Variants in MYO18A observed in about 807,000 individuals in gnomAD.
MYO18A encodes myosin XVIIIA.
A neutral mutation model predicts 235.8 loss-of-function variants in MYO18A; 78 were observed. The ratio of observed to expected loss-of-function variants is 0.33; its 90% CI spans 0.28 to 0.40. The LOEUF is 0.40. Among genes scored for constraint, MYO18A ranks in the 10% least tolerant of loss-of-function variants. MYO18A has a pLI of 1.00. For synonymous variants in MYO18A, 977 were observed against 1,077.8 expected, an observed-to-expected ratio of 0.91 and a Z score of 1.83; for missense variants, 2,215 against 2,699.3, an observed-to-expected ratio of 0.82 and a Z score of 3.98.
chr17:29,083,974 T>C (rs2066186771), intron 40 of MYO18A, among the ~76,000 whole-genome samples: 1 of 152,274 alleles, frequency 6.6e-6, no homozygotes, highest in African/African-American at 2.4e-5. Flanking sequence ...CCGTGCTGTT[T>C]ACTGCTTTCA....
At chr17:29,146,448 C>T (rs1194018709) in intron 2 of MYO18A, among the ~76,000 whole-genome samples, 2 of 152,036 alleles carry the variant, frequency 1.3e-5, no homozygotes, top group African/African-American at 4.8e-5. Context: ...TTTCTGCTGC[C>T]CACCACCCAT....
chr17:29,135,913 A>T (rs1333182681), intron 2 of MYO18A, among the ~76,000 whole-genome samples: 2 of 152,222 alleles, frequency 1.3e-5, no homozygotes, highest in Non-Finnish European at 2.9e-5. Flanking sequence ...TTGTTTCTCA[A>T]TGCATGCCCA....
intron 20 of MYO18A, among the ~76,000 whole-genome samples, chr17:29,105,515 C>T (rs774310479): frequency 1.6e-4 from 24 of 152,052 alleles, no homozygotes; most frequent in Non-Finnish European, 2.2e-4. Flanking sequence ...AAATGGACTC[C>T]AAGGCACAGG....
intron 41 of MYO18A, chr17:29,079,989 C>T (rs1598263602): frequency 2.0e-6 from 2 of 985,950 alleles, no homozygotes; most frequent in East Asian, 2.3e-4. Flanking sequence ...GCCCCTTCTT[C>T]CGCCTCTTGT....
Position 29,118,321 on chromosome 17 carries a change from G to T in MYO18A, c.1893+56C>A, listed in dbSNP as rs1394545831. On this transcript the variant is annotated intron_variant, in intron 9 of 41. Coordinates refer to ENST00000527372, the MANE Select transcript of MYO18A (RefSeq NM_078471.4). This position sits in a 1 kb window ranked among gnomAD's most constrained non-coding sequence, Gnocchi z 4.2. ...CACTATTCCCACAGGACCCATGGAGGCTTCTCCTACCCCCAAGGCCCAGGG... is the reference window on the plus strand; with the variant it reads ...CACTATTCCCACAGGACCCATGGAGTCTTCTCCTACCCCCAAGGCCCAGGG... The T allele has an allele frequency of 1.9e-6, 3 of 1,574,060 alleles. No individual in the cohort carries two copies. The highest frequency in any genetic ancestry group is 2.3e-5 in the South Asian group (2 of 87,574).
intron 2 of MYO18A, among the ~76,000 whole-genome samples, chr17:29,122,906 C>T (rs746799780): frequency 7.9e-5 from 12 of 152,206 alleles, no homozygotes; most frequent in Admixed American, 2.0e-4. Context: ...TTCTCCATGC[C>T]GCCATCAGCA....
In MYO18A at chr17:29,140,364, C is replaced by T. The variant is rs1472266890; in HGVS notation, c.1000-18111G>A. The T allele has an allele frequency of 7.8e-7, 1 of 1,283,910 alleles. No individual in the cohort carries two copies. The allele number at this position is 1,283,910 out of a possible 1,614,324, so 79.5% of individuals were successfully genotyped here. On this transcript the variant is annotated intron_variant, in intron 2 of 41. Coordinates refer to ENST00000527372, the MANE Select transcript of MYO18A (RefSeq NM_078471.4). The surrounding 1 kb of genome is among the most constrained non-coding windows in gnomAD (Gnocchi z 4.2). ...CCCGCATGGCCTGGCCTGGAGCAGC[C>T]CAGAGCAAGGAGACTCCGCTCTGAT...
At position 29,111,825 on chromosome 17, in the gene MYO18A, C is replaced by T. The variant is rs1485524232; in HGVS notation, c.2637G>A (p.Leu879=). 6.2e-7 allele frequency: 1 copy of T among 1,613,836 alleles called. No homozygotes were observed. The highest frequency in any genetic ancestry group is 1.1e-5 in the South Asian group (1 of 91,084). Residue 879 remains leucine (L), a synonymous_variant, in exon 16 of 42, where the codon CTG becomes CTA. Coordinates refer to ENST00000527372, the MANE Select transcript of MYO18A (RefSeq NM_078471.4). The surrounding 1 kb of genome is among the most constrained non-coding windows in gnomAD (Gnocchi z 5.1). ...SLARTDEARG[L]LWLLEEEALV... ...GAGCCTCCTCTTCCAATAGCCAGAG[C>T]AGGCCCCTCGCCTCGTCTGTGCGGG...
intron 7 of MYO18A, among the ~76,000 whole-genome samples, chr17:29,119,812 C>T (rs2067155149): frequency 1.3e-5 from 2 of 152,120 alleles, no homozygotes; most frequent in Non-Finnish European, 2.9e-5. Flanking sequence ...GATCCACCCA[C>T]CTCAGCCTCC....
At chr17:29,103,735 C>T in intron 20 of MYO18A, 71 bp from the exon 21 acceptor site, 1 of 1,482,766 alleles carries the variant, frequency 6.7e-7, no homozygotes, top group Non-Finnish European at 9.4e-7. Context: ...TCTCCAGGCC[C>T]TTGGCCCTTC....
intron 21 of MYO18A, among the ~76,000 whole-genome samples, chr17:29,100,748 T>C (rs2066633909): frequency 6.6e-6 from 1 of 152,200 alleles, no homozygotes; most frequent in African/African-American, 2.4e-5. Flanking sequence ...GTGAACATCA[T>C]GGGAAACACA....
chr17:29,121,219 A>C lies in MYO18A; in HGVS notation c.1372-8T>G. 1 of 1,596,322 alleles carries C rather than the reference A, an allele frequency of 6.3e-7. No individual in the cohort carries two copies. On this transcript the variant is annotated splice_polypyrimidine_tract_variant and splice_region_variant and intron_variant, in intron 5 of 41. Coordinates refer to ENST00000527372, the MANE Select transcript of MYO18A (RefSeq NM_078471.4). This position sits in a 1 kb window ranked among gnomAD's most constrained non-coding sequence, Gnocchi z 4.2. ...CTTGAACATGTGCATCACCTTGGGCAGGAGAGCAAGGGAGAGAAGGGGTTG... is the reference window on the plus strand; with the variant it reads ...CTTGAACATGTGCATCACCTTGGGCCGGAGAGCAAGGGAGAGAAGGGGTTG...
Position 29,157,470 on chromosome 17 carries a change from T to C in MYO18A, c.999+8472A>G, listed in dbSNP as rs1437153926. ...GAGCTAGGCAGTGGATTTATATGGA[T>C]ATCCGGATACTGCCTTGCTCTCCCC... On this transcript the variant is annotated intron_variant, in intron 2 of 41. Coordinates refer to ENST00000527372, the MANE Select transcript of MYO18A (RefSeq NM_078471.4). Among the ~76,000 whole-genome samples, 16 of 152,220 alleles carry C rather than the reference T, an allele frequency of 1.1e-4. 1 individual carries two copies. Among genetic ancestry groups the C allele is most frequent in the Admixed American group, 1.0e-3 (16 of 15,280 alleles).
intron 2 of MYO18A, among the ~76,000 whole-genome samples, chr17:29,150,684 G>A (rs534090886): frequency 6.6e-6 from 1 of 152,242 alleles, no homozygotes; most frequent in Non-Finnish European, 1.5e-5. Flanking sequence ...GAAGCTGGCC[G>A]GGTGTTATGG....
intron 21 of MYO18A, among the ~76,000 whole-genome samples, chr17:29,101,941 C>G (rs934752966): frequency 2.0e-4 from 30 of 152,096 alleles, no homozygotes; most frequent in Admixed American, 3.9e-4. Flanking sequence ...GGCTCTGAGC[C>G]CCCCCAGAGT....
chr17:29,074,607 G>C lies in MYO18A; in HGVS notation c.*163C>G, dbSNP rs1459327689. On this transcript the variant is annotated 3_prime_UTR_variant, in exon 42 of 42. Coordinates refer to ENST00000527372, the MANE Select transcript of MYO18A (RefSeq NM_078471.4). The surrounding 1 kb of genome is among the most constrained non-coding windows in gnomAD (Gnocchi z 4.4). ...CCACCTCTTCCACGTGGAGACATCA[G>C]ACACCCATAGCCTGGAAAGTGCCCC... 1.4e-6 allele frequency: 1 copy of C among 714,714 alleles called. No homozygotes were observed. The highest frequency in any genetic ancestry group is 1.8e-5 in the African/African-American group (1 of 56,310). The allele number at this position is 714,714 out of a possible 1,614,324, so 44.3% of individuals were successfully genotyped here. A position where few individuals can be genotyped will look rare whatever the true frequency, so the allele number is the denominator to read the frequency against.
intron 2 of MYO18A, among the ~76,000 whole-genome samples, chr17:29,151,960 G>A (rs1344853868): frequency 6.6e-6 from 1 of 152,194 alleles, no homozygotes; most frequent in Non-Finnish European, 1.5e-5. Context: ...GGACACGGTG[G>A]AGAATGGACT....
Position 29,092,875 on chromosome 17 carries a change from T to A in MYO18A, c.5053A>T (p.Ile1685Phe). The A allele has an allele frequency of 6.2e-7, 1 of 1,613,884 alleles. No individual in the cohort carries two copies. The highest frequency in any genetic ancestry group is 8.5e-7 in the Non-Finnish European group (1 of 1,179,862). The part of the protein sequence containing the change: ...LKNSAPSKRE[I>F]AQLKNQLEES... Reference sequence around the variant, plus strand: ...GATACCTGGTTCTTGAGCTGGGCAATCTCTCGCTTGCTGGGAGCACTGTTC... The same window carrying A: ...GATACCTGGTTCTTGAGCTGGGCAAACTCTCGCTTGCTGGGAGCACTGTTC... Residue 1685 changes from isoleucine to phenylalanine, a missense_variant, in exon 33 of 42, where the codon ATT becomes TTT. By Grantham distance (21) the Ile-to-Phe change is conservative. Coordinates refer to ENST00000527372, the MANE Select transcript of MYO18A (RefSeq NM_078471.4).
chr17:29,116,725 T>A (rs993556601), intron 10 of MYO18A, among the ~76,000 whole-genome samples: 4 of 3,568 alleles, frequency 1.1e-3, no homozygotes, highest in Admixed American at 6.7e-3. Context: ...AAACACACCC[T>A]CCCCCCCCCC....
Sources: gnomAD v4.1 joint callset for allele counts (sites outside exome capture counted in the v4.1 genomes callset) on GRCh38, gnomAD v4.1.1 for gene constraint, Gnocchi (gnomAD v3.1) non-coding constraint, MANE v1.5 for transcripts, NCBI Gene and HGNC (gene_info 2026-07-23, HGNC 2026-07-21) for gene names.